The following PLXND1 variants were observed in gnomAD, a reference collection of about 807,000 sequenced individuals.
PLXND1 encodes plexin-D1.
Under a neutral mutation model 197.7 loss-of-function variants are expected in PLXND1, and 54 were observed. The observed-to-expected ratio is 0.27, with a 90% CI of 0.22 to 0.34. The LOEUF is 0.34. PLXND1 is among the 10% of genes least tolerant of loss of function. The pLI is 1.00. For synonymous variants in PLXND1, 1,180 were observed against 1,161.2 expected, an observed-to-expected ratio of 1.02 and a Z score of -0.33; for missense variants, 2,127 against 2,699.2, an observed-to-expected ratio of 0.79 and a Z score of 4.70.
rs575446056 is a variant in PLXND1 at position 129,589,420 on chromosome 3, G to A, written c.1419C>T (p.Ser473=). 4.9e-5 allele frequency: 79 copies of A among 1,601,200 alleles called. No homozygotes were observed. The East Asian group carries it at 7.5e-4, about 15-fold the overall frequency. Residue 473 remains serine, a synonymous_variant, in exon 2 of 36, where the codon TCC becomes TCT. Coordinates refer to ENST00000324093, the MANE Select transcript of PLXND1 (RefSeq NM_015103.3). ...TPVFRAPGLT[S]VAVASVNNYT... is the part of the protein sequence containing the mutation. ...AGTTGTTGACGCTGGCCACGGCCAC[G>A]GAGGTGAGGCCCGGGGCGCGGAACA...
At chr3:129,605,219 G>T in intron 1 of PLXND1, 110 bp downstream of exon 1, 1 of 490,720 alleles carries the variant, frequency 2.0e-6, no homozygotes, top group Non-Finnish European at 3.1e-6. Context: ...GGATCTCTGC[G>T]CGCTCCCACC....
At chr3:129,585,551 C>T (rs974005114) in intron 5 of PLXND1, among the ~76,000 whole-genome samples, 3 of 152,222 alleles carry the variant, frequency 2.0e-5, no homozygotes, top group African/African-American at 4.8e-5. Flanking sequence ...GTGGGTGGAA[C>T]TCACTGTCCT....
rs1263385126 is a variant in PLXND1, at chr3:129,575,461, G to C, written c.2530+8C>G. ...CCGAGGCCATGTGGGGCGGGTGGGGGTGCCCACCTGTCATGGGCTCAGGGC... is the reference window on the plus strand; with the variant it reads ...CCGAGGCCATGTGGGGCGGGTGGGGCTGCCCACCTGTCATGGGCTCAGGGC... On this transcript the variant is annotated splice_region_variant and intron_variant, in intron 11 of 35. Transcript: ENST00000324093. 1 of 1,536,438 alleles carries C rather than the reference G, an allele frequency of 6.5e-7. No individual in the cohort carries two copies. Among genetic ancestry groups the C allele is most frequent in the Non-Finnish European group, 8.8e-7 (1 of 1,133,370 alleles).
At chr3:129,571,334 G>C in intron 17 of PLXND1, 31 bp from the exon 18 acceptor site, 1 of 1,599,416 alleles carries the variant, frequency 6.3e-7, no homozygotes. Flanking sequence ...GCCCAGGCCG[G>C]GATGCAGGAT....
In PLXND1 at chr3:129,563,140, A is replaced by T; in HGVS notation, c.4622T>A (p.Leu1541His). The T allele has an allele frequency of 6.2e-7, 1 of 1,612,568 alleles. No individual in the cohort carries two copies. Among genetic ancestry groups the T allele is most frequent in the Non-Finnish European group, 8.5e-7 (1 of 1,179,462 alleles). ...DAITGKARYT[L>H]SEEWLLRENI... ...CTCCCGCAGCAGCCACTCCTCACTG[A>T]GTGTGTAGCGGGCCTTGCCTGTGAT... is the stretch of plus-strand genomic sequence containing the variant. The change falls in exon 26 of 36, where the codon CTC (leucine) becomes CAC (histidine). Residue 1541 changes from leucine (L) to histidine (H), a missense_variant. Physicochemically the swap from Leu to His is moderately conservative, Grantham distance 99. Transcript: ENST00000324093.
chr3:129,573,698 G>T lies in PLXND1; in HGVS notation c.2733C>A (p.Ile911=), dbSNP rs2085270404. Reference sequence around the variant, plus strand: ...GCCGCCGGCCCAGGTTCCTTCCTCGGATGGTCAGCAGGGTCCCACCGTCCA... The same window carrying T: ...GCCGCCGGCCCAGGTTCCTTCCTCGTATGGTCAGCAGGGTCCCACCGTCCA... ...GPLDGGTLLT[I]RGRNLGRRLS... is the part of the protein sequence containing the mutation. The change falls in exon 13 of 36, where the codon ATC becomes ATA. Residue 911 remains isoleucine, a synonymous_variant. Transcript: ENST00000324093. 1 of 1,613,748 alleles carries T rather than the reference G, an allele frequency of 6.2e-7. No homozygotes were observed. Among genetic ancestry groups the T allele is most frequent in the African/African-American group, 1.3e-5 (1 of 75,044 alleles).
chr3:129,574,113 A>G (rs1340432618), intron 12 of PLXND1, among the ~76,000 whole-genome samples: 3 of 152,108 alleles, frequency 2.0e-5, no homozygotes, highest in Non-Finnish European at 2.9e-5. Flanking sequence ...CACACTTCCA[A>G]TGCCTTCTAT....
rs1018797725 is a variant in PLXND1, at chr3:129,573,701, G to A, written c.2730C>T (p.Thr910=). 28 of 1,613,704 alleles carry A rather than the reference G, an allele frequency of 1.7e-5. No homozygotes were observed. The highest frequency in any genetic ancestry group is 2.4e-5 in the Non-Finnish European group (28 of 1,180,008). ...GCCGGCCCAGGTTCCTTCCTCGGAT[G>A]GTCAGCAGGGTCCCACCGTCCAACG... The part of the protein sequence containing the change: ...SGPLDGGTLL[T]IRGRNLGRRL... Residue 910 remains threonine, a synonymous_variant, in exon 13 of 36, where the codon ACC becomes ACT. Coordinates refer to ENST00000324093, the MANE Select transcript of PLXND1 (RefSeq NM_015103.3).
At chr3:129,571,914 C>A in intron 15 of PLXND1, 70 bp from the exon 16 acceptor site, 2 of 1,435,778 alleles carry the variant, frequency 1.4e-6, no homozygotes, top group South Asian at 1.2e-5. Flanking sequence ...GCCCCTGAGA[C>A]CTGGGGCACA....
At chr3:129,572,774 G>A (rs1033857557) in intron 14 of PLXND1, 26 bp from the exon 15 acceptor site, 5 of 1,602,602 alleles carry the variant, frequency 3.1e-6, no homozygotes, top group Middle Eastern at 1.7e-4. Flanking sequence ...AGGCGTTTGG[G>A]CCTCGGGCCA....
intron 1 of PLXND1, among the ~76,000 whole-genome samples, chr3:129,590,232 G>A (rs1047700894): frequency 1.3e-5 from 2 of 152,174 alleles, no homozygotes; most frequent in Non-Finnish European, 2.9e-5. Flanking sequence ...CAACAGCCCA[G>A]CATCACCCAT....
At chr3:129,561,256 C>T (rs566788248) in intron 29 of PLXND1, among the ~76,000 whole-genome samples, 14 of 152,292 alleles carry the variant, frequency 9.2e-5, no homozygotes, top group Admixed American at 7.8e-4. Flanking sequence ...CCAGAGGATC[C>T]CGGGCTCGCA....
intron 2 of PLXND1, 41 bp downstream of exon 2, chr3:129,589,310 T>TGGGCCCCCCCCCCCCCCCCCCCCCCC: frequency 2.0e-6 from 1 of 501,292 alleles, no homozygotes; most frequent in Non-Finnish European, 3.8e-6. Context: ...CAGGGGAGCC[T>TGGGCCCCCCCCCCCCCCCCCCCCCCC]CCCACCCCCA....
chr3:129,605,248 C>A (rs1197003424), intron 1 of PLXND1, 81 bp downstream of exon 1: 2 of 574,880 alleles, frequency 3.5e-6, no homozygotes, highest in Non-Finnish European at 5.1e-6. Context: ...ACTCAGCTCA[C>A]GACCCGCTCG....
intron 1 of PLXND1, among the ~76,000 whole-genome samples, chr3:129,590,714 C>T (rs1289160742): frequency 6.6e-6 from 1 of 152,234 alleles, no homozygotes; most frequent in Non-Finnish European, 1.5e-5. Flanking sequence ...CAGGCCAGTG[C>T]ACTGACTCCC....
At position 129,555,277 on chromosome 3, in the gene PLXND1, C is replaced by G; in HGVS notation, c.*1035G>C. 2.1e-6 allele frequency: 1 copy of G among 486,064 alleles called. No individual in the cohort carries two copies. The highest frequency in any genetic ancestry group is 3.6e-5 in the East Asian group (1 of 28,072). The allele number at this position is 486,064 out of a possible 1,614,324, so 30.1% of individuals were successfully genotyped here. A position where few individuals can be genotyped will look rare whatever the true frequency, so the allele number is the denominator to read the frequency against. On this transcript the variant is annotated 3_prime_UTR_variant, in exon 36 of 36. Coordinates refer to ENST00000324093, the MANE Select transcript of PLXND1 (RefSeq NM_015103.3). The stretch of plus-strand genomic sequence containing the variant: ...CAGAGTCCCAGCTGCCCCCCTCCAG[C>G]CCCCATGGGCTCTGAGCCAGTCCCA...
chr3:129,586,648 G>A lies in PLXND1; in HGVS notation c.1560C>T (p.His520=). 6.3e-7 allele frequency: 1 copy of A among 1,583,388 alleles called. No individual in the cohort carries two copies. Among genetic ancestry groups the A allele is most frequent in the Non-Finnish European group, 8.6e-7 (1 of 1,164,184 alleles). ...VVTVAYGEPV[H]HVMQFDPADS... The stretch of plus-strand genomic sequence containing the variant: ...CTGCTGGGTCAAACTGCATGACATG[G>A]TGCACGGGCTCCCCATAGGCCACAG... The change falls in exon 3 of 36, where the codon CAC becomes CAT. Residue 520 remains histidine, a synonymous_variant. Coordinates refer to ENST00000324093, the MANE Select transcript of PLXND1 (RefSeq NM_015103.3).
At chr3:129,588,057 G>A (rs940443858) in intron 2 of PLXND1, among the ~76,000 whole-genome samples, 1 of 152,246 alleles carries the variant, frequency 6.6e-6, no homozygotes, top group African/African-American at 2.4e-5. Flanking sequence ...GTGCCCCAGG[G>A]CCTGTGCTGG....
At position 129,558,606 on chromosome 3, in the gene PLXND1, G is replaced by C; in HGVS notation, c.5298-31C>G. ...GGGTAGGGTGACAAAGACAGTGAGG[G>C]TAGGGTGGGGTAGGAAGCAGTCGAG... is the stretch of plus-strand genomic sequence containing the variant. On this transcript the variant is annotated intron_variant, in intron 32 of 35. Transcript: ENST00000324093. The surrounding 1 kb of genome is among the most constrained non-coding windows in gnomAD (Gnocchi z 4.1). 1.2e-6 allele frequency: 2 copies of C among 1,605,474 alleles called. No individual in the cohort carries two copies. Among genetic ancestry groups the C allele is most frequent in the Non-Finnish European group, 1.7e-6 (2 of 1,173,878 alleles).
Sources: allele counts gnomAD v4.1 joint callset (sites outside exome capture counted in the v4.1 genomes callset), GRCh38; gene constraint gnomAD v4.1.1; non-coding constraint Gnocchi (gnomAD v3.1); transcripts MANE v1.5; gene names NCBI Gene and HGNC (gene_info 2026-07-23, HGNC 2026-07-21).